GANAB: variants seen among roughly 807,000 people sequenced by gnomAD.
The protein encoded by GANAB is neutral alpha-glucosidase AB.
In GANAB, 35 loss-of-function variants were observed where a neutral mutation model predicts 129.9. That is an observed-to-expected ratio of 0.27 (90% CI 0.21 to 0.36). GANAB has a LOEUF of 0.36. GANAB is among the 10% of genes least tolerant of loss of function. The pLI, the probability that GANAB is intolerant of heterozygous loss-of-function variation, is 1.00. For synonymous variants in GANAB, 482 were observed against 451.8 expected, an observed-to-expected ratio of 1.07 and a Z score of -0.85; for missense variants, 939 against 1,221.0, an observed-to-expected ratio of 0.77 and a Z score of 3.44.
Position 62,626,645 on chromosome 11 carries a change from A to G in GANAB, c.2437T>C (p.Trp813Arg). 6.2e-7 allele frequency: 1 copy of G among 1,611,502 alleles called. No individual in the cohort carries two copies. Among genetic ancestry groups the G allele is most frequent in the Non-Finnish European group, 8.5e-7 (1 of 1,178,618 alleles). ...TCTGAAGACCGCCGCACTCGCATCC[A>G]TCGAGGCACGATTGTCCCTCCACGC... is the stretch of plus-strand genomic sequence containing the variant. Reference protein sequence around the residue: ...FQRGGTIVPRWMRVRRSSECM... With the variant: ...FQRGGTIVPRRMRVRRSSECM... Residue 813 changes from tryptophan to arginine, a missense_variant, in exon 21 of 24, where the codon TGG becomes CGG. This residue lies in a region of GANAB where 230 missense variants were observed against 259.9 expected (regional missense o/e 0.89). Transcript: ENST00000356638.
chr11:62,637,756 C>T (rs72927262), intron 4 of GANAB, among the ~76,000 whole-genome samples: 27 of 151,840 alleles, frequency 1.8e-4, no homozygotes, highest in Non-Finnish European at 2.8e-4. Flanking sequence ...GAAACCCAGC[C>T]GGGCGCGGTG....
chr11:62,646,052 G>C (rs1195256531), intron 1 of GANAB, among the ~76,000 whole-genome samples: 3 of 152,226 alleles, frequency 2.0e-5, no homozygotes, highest in Admixed American at 6.5e-5. Flanking sequence ...AACTAAGCCA[G>C]AGCTGGTGCT....
Position 62,626,108 on chromosome 11 carries a change from T to C in GANAB, c.2682A>G (p.Ile894Met). 6.2e-7 allele frequency: 1 copy of C among 1,614,024 alleles called. No homozygotes were observed. Among genetic ancestry groups the C allele is most frequent in the Middle Eastern group, 1.6e-4 (1 of 6,062 alleles). ...ETPIWIERVVIIGAGKPAAVV... is the reference protein window; with the variant it reads ...ETPIWIERVVMIGAGKPAAVV... ...CAGCTGCTGGCTTTCCAGCCCCTAT[T>C]ATCACCACCCGCTCAATCCAGATTG... is the stretch of plus-strand genomic sequence containing the variant. The change falls in exon 23 of 24, where the codon ATA becomes ATG. Residue 894 changes from isoleucine to methionine, a missense_variant. By Grantham distance (10) the Ile-to-Met change is conservative. Coordinates refer to ENST00000356638, the MANE Select transcript of GANAB (RefSeq NM_198334.3).
intron 4 of GANAB, among the ~76,000 whole-genome samples, chr11:62,637,025 T>A (rs888835824): frequency 1.3e-5 from 2 of 151,830 alleles, no homozygotes; most frequent in African/African-American, 4.8e-5. Context: ...GACTGATACA[T>A]CTAAATACAT....
intron 1 of GANAB, among the ~76,000 whole-genome samples, chr11:62,642,466 GCT>G (rs939577941): frequency 6.8e-6 from 1 of 147,778 alleles, no homozygotes; most frequent in African/African-American, 2.5e-5. Context: ...ATGGAGCCTT[GCT>G]CTGTCACCCA....
chr11:62,628,641 T>G, intron 17 of GANAB, 128 bp downstream of exon 17: 1 of 957,892 alleles, frequency 1.0e-6, no homozygotes, highest in Non-Finnish European at 1.6e-6. Context: ...CCTTCACTCT[T>G]GACCTTAATG....
At chr11:62,646,514 G>A (rs964994058) in intron 1 of GANAB, 48 bp downstream of exon 1, 7 of 1,601,036 alleles carry the variant, frequency 4.4e-6, no homozygotes, top group African/African-American at 2.7e-5. Flanking sequence ...TGGGACTTGG[G>A]GGATCTGGGG....
intron 4 of GANAB, among the ~76,000 whole-genome samples, chr11:62,635,652 G>A (rs1943911284): frequency 6.7e-6 from 1 of 148,276 alleles, no homozygotes; most frequent in Admixed American, 6.7e-5. Flanking sequence ...TTGAGATGGA[G>A]TCTCGCTCTG....
chr11:62,628,685 A>C, intron 17 of GANAB, 84 bp downstream of exon 17: 1 of 1,412,492 alleles, frequency 7.1e-7, no homozygotes, highest in South Asian at 1.2e-5. Flanking sequence ...TAGTGAGTGA[A>C]GAAAGAGACC....
intron 22 of GANAB, 83 bp downstream of exon 22, chr11:62,626,252 A>G: frequency 1.5e-6 from 2 of 1,341,256 alleles, no homozygotes; most frequent in Non-Finnish European, 2.1e-6. Flanking sequence ...TCAGAATGTG[A>G]GAAAAGAGCA....
intron 1 of GANAB, among the ~76,000 whole-genome samples, chr11:62,646,139 G>T (rs1336248448): frequency 6.6e-6 from 1 of 152,202 alleles, no homozygotes; most frequent in Non-Finnish European, 1.5e-5. Context: ...CTTAACTGCT[G>T]GCCCGGTGCT....
At position 62,626,465 on chromosome 11, in the gene GANAB, T is replaced by G; in HGVS notation, c.2512-18A>C. On this transcript the variant is annotated intron_variant, in intron 21 of 23. Transcript: ENST00000356638. ...GCTGTACCCTGAGCAAGAAGTGGGA[T>G]AGGTGAGCGCCTGAGCCCAAGAGGG... 1 of 1,572,578 alleles carries G rather than the reference T, an allele frequency of 6.4e-7. No homozygotes were observed. The highest frequency in any genetic ancestry group is 8.8e-7 in the Non-Finnish European group (1 of 1,142,144).
chr11:62,629,353 T>C (rs2134471871), intron 15 of GANAB, 58 bp from the exon 16 acceptor site: 2 of 1,197,576 alleles, frequency 1.7e-6, no homozygotes, highest in Non-Finnish European at 2.5e-6. Context: ...GCTTTTTACA[T>C]GGCTGACCTC....
chr11:62,645,534 T>C (rs2134566346), intron 1 of GANAB, among the ~76,000 whole-genome samples: 2 of 23,260 alleles, frequency 8.6e-5, no homozygotes, highest in Admixed American at 5.7e-4. Context: ...AGACTCTGTC[T>C]CTCAAAAAAA....
chr11:62,632,757 C>G lies in GANAB; in HGVS notation c.816-12G>C, dbSNP rs1384515441. 1.2e-6 allele frequency: 2 copies of G among 1,609,600 alleles called. No individual in the cohort carries two copies. Among genetic ancestry groups the G allele is most frequent in the African/African-American group, 1.3e-5 (1 of 74,848 alleles). ...ATGGCTCCCCACCCCTGCAGGCAAA[C>G]AGACAGACTTGGGCTGCTAACTGGC... On this transcript the variant is annotated splice_polypyrimidine_tract_variant and intron_variant, in intron 8 of 23. Transcript: ENST00000356638.
At chr11:62,634,209 G>C in intron 5 of GANAB, 1 of 786,332 alleles carries the variant, frequency 1.3e-6, no homozygotes, top group South Asian at 1.5e-5. Context: ...AGTGGGGTGA[G>C]TGAAAGGCTG....
intron 1 of GANAB, among the ~76,000 whole-genome samples, chr11:62,645,346 C>T (rs932411181): frequency 6.6e-6 from 1 of 152,106 alleles, no homozygotes. Context: ...ATCATCCTCA[C>T]CAACATAGTG....
chr11:62,634,390 G>A, intron 5 of GANAB: 1 of 1,571,686 alleles, frequency 6.4e-7, no homozygotes, highest in African/African-American at 1.3e-5. Flanking sequence ...GGCAGGAGGA[G>A]ATGGGTAGGG....
chr11:62,632,600 T>C lies in GANAB; in HGVS notation c.961A>G (p.Thr321Ala). 1 of 1,613,942 alleles carries C rather than the reference T, an allele frequency of 6.2e-7. No homozygotes were observed. Among genetic ancestry groups the C allele is most frequent in the Admixed American group, 1.7e-5 (1 of 60,006 alleles). ...GTGTTGGAAGATATATCAACCCAGG[T>C]CTCTGCAGCATTGAGCCAGAAGATG... is the stretch of plus-strand genomic sequence containing the variant. Reference protein sequence around the residue: ...LGIFWLNAAETWVDISSNTAG... With the variant: ...LGIFWLNAAEAWVDISSNTAG... The change falls in exon 9 of 24, where the codon ACC becomes GCC. Residue 321 changes from threonine (T) to alanine (A), a missense_variant. This residue lies in a region of GANAB where 220 missense variants were observed against 295.9 expected (regional missense o/e 0.74). Transcript: ENST00000356638.
Sources: allele counts gnomAD v4.1 joint callset (sites outside exome capture counted in the v4.1 genomes callset), GRCh38; gene constraint gnomAD v4.1.1; regional missense constraint gnomAD v4.1.1; transcripts MANE v1.5; gene names NCBI Gene and HGNC (gene_info 2026-07-23, HGNC 2026-07-21).